CHRNB4: variants seen among roughly 807,000 people sequenced by gnomAD.
The protein encoded by CHRNB4 is neuronal acetylcholine receptor subunit beta-4.
In CHRNB4, 23 loss-of-function variants were observed where a neutral mutation model predicts 40.4. The ratio of observed to expected loss-of-function variants is 0.57; its 90% confidence interval spans 0.41 to 0.81. CHRNB4 has a LOEUF of 0.81. Ranked by LOEUF, CHRNB4 falls within the 30% of genes least tolerant of loss-of-function variation. CHRNB4 has a pLI of 0.00. For synonymous variants in CHRNB4, 285 were observed against 274.4 expected, an observed-to-expected ratio of 1.04 and a Z score of -0.38; for missense variants, 568 against 670.6, an observed-to-expected ratio of 0.85 and a Z score of 1.69.
At chr15:78,630,089 C>A (rs2053768304) in intron 4 of CHRNB4, 144 bp from the exon 5 acceptor site, 1 of 917,524 alleles carries the variant, frequency 1.1e-6, no homozygotes, top group African/African-American at 1.7e-5. Context: ...AAGGAGGGGT[C>A]TGCTTTTGTT....
At chr15:78,641,299 G>A (rs1345942053), upstream of CHRNB4, 7 of 565,222 alleles carry the variant, frequency 1.2e-5, no homozygotes, top group South Asian at 1.7e-4. Context: ...GCCCACTCAG[G>A]GATGTACTGG....
chr15:78,635,679 G>A, intron 1 of CHRNB4, 92 bp from the exon 2 acceptor site: 1 of 1,552,964 alleles, frequency 6.4e-7, no homozygotes, highest in Non-Finnish European at 8.8e-7. Flanking sequence ...AGGGAGCACA[G>A]GTGCCCTTAG....
At chr15:78,634,642 C>G in intron 2 of CHRNB4, 6 of 450,698 alleles carry the variant, frequency 1.3e-5, no homozygotes, top group South Asian at 9.4e-5. Flanking sequence ...GAGGGTCAGC[C>G]CCCTTGGTGG....
chr15:78,644,877 G>A (rs528737022), upstream of CHRNB4, among the ~76,000 whole-genome samples: 74 of 152,256 alleles, frequency 4.9e-4, no homozygotes, highest in African/African-American at 1.7e-3. Flanking sequence ...ATACCCCTTG[G>A]CATTGCCAAC....
At chr15:78,648,340 C>T (rs1390456395) in intron 7 of CHRNB4, among the ~76,000 whole-genome samples, 1 of 149,384 alleles carries the variant, frequency 6.7e-6, no homozygotes, top group African/African-American at 2.5e-5. Flanking sequence ...TTGCAGTGAG[C>T]CGAGATCACA....
intron 7 of CHRNB4, among the ~76,000 whole-genome samples, chr15:78,649,111 G>C (rs984991244): frequency 2.0e-5 from 3 of 152,208 alleles, no homozygotes; most frequent in African/African-American, 7.2e-5. Flanking sequence ...ATAACAGCAA[G>C]TGCTAGTAAA....
At chr15:78,636,916 G>A (rs2053962668) in intron 1 of CHRNB4, among the ~76,000 whole-genome samples, 1 of 152,222 alleles carries the variant, frequency 6.6e-6, no homozygotes, top group Non-Finnish European at 1.5e-5. Context: ...TACAGTGCAG[G>A]GGAGCAGCCC....
At chr15:78,661,114 G>C, upstream of CHRNB4, 1 of 616,304 alleles carries the variant, frequency 1.6e-6, no homozygotes, top group African/African-American at 1.8e-5. Flanking sequence ...GCGGACGTAG[G>C]CTTTGGTGTG....
At chr15:78,639,481 G>T (rs1443822229) in intron 1 of CHRNB4, among the ~76,000 whole-genome samples, 1 of 151,992 alleles carries the variant, frequency 6.6e-6, no homozygotes, top group Non-Finnish European at 1.5e-5. Context: ...TGTATTTTTA[G>T]TAGAGACGGG....
intron 1 of CHRNB4, among the ~76,000 whole-genome samples, chr15:78,640,709 G>A (rs1221733685): frequency 1.3e-5 from 2 of 152,244 alleles, no homozygotes; most frequent in South Asian, 2.1e-4. Flanking sequence ...CCTCGGCCCT[G>A]TTGGGAGCGG....
chr15:78,629,863 T>C lies in CHRNB4; in HGVS notation c.442A>G (p.Ile148Val). 2 of 1,613,844 alleles carry C rather than the reference T, an allele frequency of 1.2e-6. No homozygotes were observed. The highest frequency in any genetic ancestry group is 8.5e-7 in the Non-Finnish European group (1 of 1,179,996). ...TCAATCTTGCAGGCGCTCTTGTAGA[T>C]GGCAGGGGGCAGCCACAGGACGCTG... Reference protein sequence around the residue: ...NGSVLWLPPAIYKSACKIEVK... With the variant: ...NGSVLWLPPAVYKSACKIEVK... The change falls in exon 5 of 6, where the codon ATC (isoleucine) becomes GTC (valine). Residue 148 changes from isoleucine (I) to valine (V), a missense_variant. Physicochemically the swap from Ile to Val is conservative, Grantham distance 29. This residue lies in a region of CHRNB4 where 127 missense variants were observed against 167.4 expected (regional missense o/e 0.76). Transcript: ENST00000261751. This position sits in a 1 kb window ranked among gnomAD's most constrained non-coding sequence, Gnocchi z 6.8.
intron 4 of CHRNB4, among the ~76,000 whole-genome samples, chr15:78,630,676 G>A (rs949461708): frequency 3.3e-5 from 5 of 152,148 alleles, no homozygotes; most frequent in African/African-American, 1.2e-4. Context: ...GTGTAATCAC[G>A]ACTCAGGAAA....
intron 3 of CHRNB4, among the ~76,000 whole-genome samples, chr15:78,657,112 C>T (rs988837681): frequency 1.3e-5 from 2 of 151,976 alleles, no homozygotes; most frequent in Non-Finnish European, 2.9e-5. Flanking sequence ...GTAACCTCTG[C>T]CTCCTAGGTT....
chr15:78,640,083 C>G (rs767005934), intron 1 of CHRNB4, among the ~76,000 whole-genome samples: 5 of 152,148 alleles, frequency 3.3e-5, no homozygotes, highest in Non-Finnish European at 7.3e-5. Context: ...GATATGCTTT[C>G]CCAAACTGGA....
chr15:78,628,529 C>T (rs796766421), intron 5 of CHRNB4, among the ~76,000 whole-genome samples: 5 of 152,320 alleles, frequency 3.3e-5, no homozygotes, highest in African/African-American at 9.6e-5. Flanking sequence ...GGAATGGGGG[C>T]TGGTGGGTAA....
chr15:78,654,700 T>G (rs952213745), intron 5 of CHRNB4, among the ~76,000 whole-genome samples: 4 of 152,198 alleles, frequency 2.6e-5, no homozygotes, highest in African/African-American at 9.6e-5. Context: ...TAAGGTCTGG[T>G]GAAAGAGCTT....
chr15:78,626,755 A>G (rs560997580), intron 5 of CHRNB4: 29 of 152,368 alleles, frequency 1.9e-4, no homozygotes, highest in African/African-American at 6.5e-4. Flanking sequence ...AGGGAGGGTT[A>G]GCAGTAATGT....
rs747387254 is a variant in CHRNB4 at position 78,625,094 on chromosome 15, G to A, written c.*39C>T. Reference sequence around the variant, plus strand: ...GAAAGAAGCAGCAAAGTGCCCACCCGGCCACTCACATCCTCTCACCCCACA... The same window carrying A: ...GAAAGAAGCAGCAAAGTGCCCACCCAGCCACTCACATCCTCTCACCCCACA... On this transcript the variant is annotated 3_prime_UTR_variant, in exon 6 of 6. Transcript: ENST00000261751. 17 of 1,613,330 alleles carry A rather than the reference G, an allele frequency of 1.1e-5. No individual in the cohort carries two copies. The highest frequency in any genetic ancestry group is 2.2e-5 in the East Asian group (1 of 44,900).
chr15:78,635,164 C>T (rs1365543161), intron 2 of CHRNB4, among the ~76,000 whole-genome samples: 1 of 152,160 alleles, frequency 6.6e-6, no homozygotes, highest in Non-Finnish European at 1.5e-5. Flanking sequence ...ATGCTGGAGA[C>T]CCAGCTGAGC....
Sources: allele counts gnomAD v4.1 joint callset (sites outside exome capture counted in the v4.1 genomes callset), GRCh38; gene constraint gnomAD v4.1.1; regional missense constraint gnomAD v4.1.1; non-coding constraint Gnocchi (gnomAD v3.1); transcripts MANE v1.5; gene names NCBI Gene and HGNC (gene_info 2026-07-23, HGNC 2026-07-21).